BLOC1S5: variants seen among roughly 807,000 people sequenced by gnomAD.
BLOC1S5 encodes the protein biogenesis of lysosomal organelles complex 1 subunit 5.
A neutral mutation model predicts 24.3 loss-of-function variants in BLOC1S5; 27 were observed. The ratio of observed to expected loss-of-function variants is 1.11; its 90% CI spans 0.82 to 1.53. BLOC1S5 has a LOEUF of 1.53. BLOC1S5 is among the 40% of genes most tolerant of loss of function. The pLI, the probability that BLOC1S5 is intolerant of heterozygous loss-of-function variation, is 0.00. For synonymous variants in BLOC1S5, 84 were observed against 74.5 expected (o/e 1.13, Z -0.66); for missense variants, 239 against 229.4 (o/e 1.04, Z -0.27).
chr6:8,050,325 G>A (rs1764062996), intron 2 of BLOC1S5, among the ~76,000 whole-genome samples: 2 of 152,088 alleles, frequency 1.3e-5, no homozygotes, highest in African/African-American at 4.8e-5. Context: ...ATCTATGAAT[G>A]TTGGGTCTGT....
intron 2 of BLOC1S5, chr6:8,054,438 G>A (rs977848988): frequency 3.4e-6 from 1 of 298,248 alleles, no homozygotes; most frequent in Non-Finnish European, 6.5e-6. Flanking sequence ...TAATCATTTT[G>A]GTTGGCTGAA....
At chr6:8,041,633 T>C (rs1262975645) in intron 2 of BLOC1S5, among the ~76,000 whole-genome samples, 1 of 123,790 alleles carries the variant, frequency 8.1e-6, no homozygotes, top group African/African-American at 2.8e-5. Flanking sequence ...TAAATCTTAG[T>C]AATTACTTTC....
intron 1 of BLOC1S5, 62 bp downstream of exon 1, chr6:8,064,203 G>T: frequency 7.1e-7 from 1 of 1,417,988 alleles, no homozygotes; most frequent in Non-Finnish European, 9.5e-7. Context: ...GTCAGAGGGC[G>T]CCGCCTGGGA....
At chr6:8,019,607 AGGG>A (rs34841856) in intron 4 of BLOC1S5, among the ~76,000 whole-genome samples, 10 of 145,790 alleles carry the variant, frequency 6.9e-5, no homozygotes, top group African/African-American at 2.3e-4. Flanking sequence ...TAAAGAAAAA[AGGG>A]GGGGGGGGCG....
chr6:8,020,515 C>T (rs1250591432), intron 4 of BLOC1S5, among the ~76,000 whole-genome samples: 1 of 152,220 alleles, frequency 6.6e-6, no homozygotes, highest in African/African-American at 2.4e-5. Flanking sequence ...CCTCCAGATT[C>T]CAGAGGCTCT....
At chr6:8,038,230 G>C (rs1213905195) in intron 3 of BLOC1S5, among the ~76,000 whole-genome samples, 1 of 152,152 alleles carries the variant, frequency 6.6e-6, no homozygotes, top group Non-Finnish European at 1.5e-5. Flanking sequence ...CACAGGAGGA[G>C]AAAGCATTAG....
chr6:8,050,140 T>A (rs768350255), intron 2 of BLOC1S5, among the ~76,000 whole-genome samples: 28 of 152,350 alleles, frequency 1.8e-4, no homozygotes, highest in Non-Finnish European at 3.7e-4. Flanking sequence ...CATATTTCCA[T>A]CAGCATGAGC....
At position 8,062,610 on chromosome 6, in the gene BLOC1S5, C is replaced by A. The variant is rs534749419; in HGVS notation, c.119G>T (p.Gly40Val). 295 of 1,591,986 alleles carry A rather than the reference C, an allele frequency of 1.9e-4. 4 individuals are homozygous for A. The South Asian group carries it at 3.2e-3, about 17-fold the overall frequency. The change falls in exon 2 of 5, where the codon GGA becomes GTA. Residue 40 changes from glycine to valine, a missense_variant. Coordinates refer to ENST00000397457, the MANE Select transcript of BLOC1S5 (RefSeq NM_201280.3). ...GSAHLIIKDL[G>V]EIHSRLLDHR... The stretch of plus-strand genomic sequence containing the variant: ...ATCCAAAAGCCTTGAATGAATTTCT[C>A]CAAGATCTATAAAGATAAAATGAAA...
At chr6:8,054,800 C>A (rs930354370) in intron 2 of BLOC1S5, among the ~76,000 whole-genome samples, 1 of 152,146 alleles carries the variant, frequency 6.6e-6, no homozygotes, top group African/African-American at 2.4e-5. Flanking sequence ...TATTTTACTT[C>A]AAGAAAGTTT....
At chr6:8,034,956 T>C (rs1474926011) in intron 3 of BLOC1S5, among the ~76,000 whole-genome samples, 1 of 150,152 alleles carries the variant, frequency 6.7e-6, no homozygotes, top group Non-Finnish European at 1.5e-5. Flanking sequence ...CACATATGCA[T>C]ACACACACAC....
chr6:8,059,358 T>C (rs1366559566), intron 2 of BLOC1S5, among the ~76,000 whole-genome samples: 1 of 152,246 alleles, frequency 6.6e-6, no homozygotes, highest in Non-Finnish European at 1.5e-5. Context: ...CTTACTCCCT[T>C]CTTTTACAAA....
intron 2 of BLOC1S5, among the ~76,000 whole-genome samples, chr6:8,051,295 CACA>C (rs767367951): frequency 1.3e-5 from 2 of 152,090 alleles, no homozygotes; most frequent in Non-Finnish European, 1.5e-5. Context: ...TGAAACCAGC[CACA>C]ACATTTTCTT....
chr6:8,058,356 T>TAAAAA (rs1764388124), intron 2 of BLOC1S5, among the ~76,000 whole-genome samples: 1 of 30,300 alleles, frequency 3.3e-5, no homozygotes. Flanking sequence ...CCTGTCTCTA[T>TAAAAA]GAAAAAAAAA....
chr6:8,035,656 A>G (rs1282883770), intron 3 of BLOC1S5, among the ~76,000 whole-genome samples: 1 of 152,214 alleles, frequency 6.6e-6, no homozygotes, highest in Non-Finnish European at 1.5e-5. Context: ...TCACTATATA[A>G]TCATACAGGG....
In BLOC1S5 at chr6:8,060,914, T is replaced by G. The variant is rs1764488152; in HGVS notation, c.195+1620A>C. Among the ~76,000 whole-genome samples, 4 of 152,312 alleles carry G rather than the reference T, an allele frequency of 2.6e-5. No homozygotes were observed. The South Asian group carries it at 8.3e-4, about 32-fold the overall frequency. ...TTCTCGGCTCACTGCAACCTCCACC[T>G]CCTGGGTTCAAGAGATTCTCCTGCC... is the stretch of plus-strand genomic sequence containing the variant. On this transcript the variant is annotated intron_variant, in intron 2 of 4. Transcript: ENST00000397457.
chr6:8,048,921 G>A (rs1413819330), intron 2 of BLOC1S5, among the ~76,000 whole-genome samples: 4 of 151,936 alleles, frequency 2.6e-5, no homozygotes, highest in Non-Finnish European at 4.4e-5. Context: ...GCTGAGGCAG[G>A]AGAATCACTT....
intron 3 of BLOC1S5, among the ~76,000 whole-genome samples, chr6:8,035,959 C>G (rs1294053751): frequency 6.6e-6 from 1 of 152,122 alleles, no homozygotes; most frequent in African/African-American, 2.4e-5. Context: ...AGAACATTCT[C>G]TGGAACAGAT....
At chr6:8,045,128 C>A (rs1488716374) in intron 2 of BLOC1S5, among the ~76,000 whole-genome samples, 1 of 152,228 alleles carries the variant, frequency 6.6e-6, no homozygotes, top group Admixed American at 6.5e-5. Context: ...GGCCTCCATG[C>A]TGTGTGCAGC....
chr6:8,046,030 G>A (rs1045689034), intron 2 of BLOC1S5, among the ~76,000 whole-genome samples: 2 of 152,084 alleles, frequency 1.3e-5, no homozygotes, highest in Admixed American at 6.6e-5. Flanking sequence ...ATATGGTTTG[G>A]CTCTGTCCCC....
Sources: allele counts gnomAD v4.1 joint callset (sites outside exome capture counted in the v4.1 genomes callset), GRCh38; gene constraint gnomAD v4.1.1; transcripts MANE v1.5; gene names NCBI Gene and HGNC (gene_info 2026-07-23, HGNC 2026-07-21).